GOLPH3: variants seen among roughly 807,000 people sequenced by gnomAD.
GOLPH3 encodes the protein coat protein GPP34.
A neutral mutation model predicts 28.5 loss-of-function variants in GOLPH3; 14 were observed. That is an observed-to-expected ratio of 0.49 (90% CI 0.32 to 0.77). The LOEUF (loss-of-function observed/expected upper bound fraction) is 0.77. Ranked by LOEUF, GOLPH3 falls within the 30% of genes least tolerant of loss-of-function variation. GOLPH3 has a pLI of 0.03. For synonymous variants in GOLPH3, 158 were observed against 159.2 expected (o/e 0.99, Z 0.06); for missense variants, 350 against 393.7 (o/e 0.89, Z 0.94).
chr5:32,170,336 C>A (rs1286406171), intron 1 of GOLPH3, among the ~76,000 whole-genome samples: 1 of 152,176 alleles, frequency 6.6e-6, no homozygotes, highest in African/African-American at 2.4e-5. Context: ...GCTTCTGTTT[C>A]TTGCTCTAGG....
At chr5:32,149,590 A>C (rs553104755) in intron 1 of GOLPH3, among the ~76,000 whole-genome samples, 1 of 143,372 alleles carries the variant, frequency 7.0e-6, no homozygotes, top group East Asian at 2.7e-4. Context: ...AAAAATTAAG[A>C]ATCAAAAAGT....
In GOLPH3 at chr5:32,143,782, A is replaced by G; in HGVS notation, c.324T>C (p.Cys108=). 6.2e-7 allele frequency: 1 copy of G among 1,607,316 alleles called. No homozygotes were observed. Among genetic ancestry groups the G allele is most frequent in the Admixed American group, 1.7e-5 (1 of 58,040 alleles). The change falls in exon 2 of 4, where the codon TGT becomes TGC. Residue 108 remains cysteine (C), a synonymous_variant. Transcript: ENST00000265070. ...TTAATAGACTTTTACGTCTCATTCC[A>G]CAAGCCTCTAGTTGTAACCTTCCTC... The part of the protein sequence containing the change: ...ALRGRLQLEA[C]GMRRKSLLTR...
At chr5:32,152,601 G>A (rs570128658) in intron 1 of GOLPH3, among the ~76,000 whole-genome samples, 1 of 150,888 alleles carries the variant, frequency 6.6e-6, no homozygotes, top group South Asian at 2.1e-4. Context: ...GGCCAACGTG[G>A]CAAAATGCTG....
At chr5:32,144,503 C>T (rs969847293) in intron 1 of GOLPH3, among the ~76,000 whole-genome samples, 3 of 152,138 alleles carry the variant, frequency 2.0e-5, no homozygotes, top group African/African-American at 7.2e-5. Flanking sequence ...GGCAGGAGGA[C>T]CACTGTGTCC....
At chr5:32,141,664 C>T (rs1301261282) in intron 2 of GOLPH3, among the ~76,000 whole-genome samples, 2 of 152,228 alleles carry the variant, frequency 1.3e-5, no homozygotes, top group East Asian at 1.9e-4. Flanking sequence ...CAAAGCTGGA[C>T]GGTACTGCTG....
chr5:32,136,481 TAAAAA>T (rs199826363), intron 2 of GOLPH3, among the ~76,000 whole-genome samples: 1 of 121,322 alleles, frequency 8.2e-6, no homozygotes, highest in Non-Finnish European at 1.8e-5. Flanking sequence ...AACTCCGACT[TAAAAA>T]AAAAAAAAAA....
At chr5:32,166,808 A>G (rs1418172804) in intron 1 of GOLPH3, among the ~76,000 whole-genome samples, 3 of 126,558 alleles carry the variant, frequency 2.4e-5, no homozygotes, top group Non-Finnish European at 4.9e-5. Flanking sequence ...ACTCCATCTT[A>G]AAAAAAAAAA....
intron 1 of GOLPH3, among the ~76,000 whole-genome samples, chr5:32,160,709 T>C (rs536250193): frequency 6.6e-6 from 1 of 152,274 alleles, no homozygotes; most frequent in Admixed American, 6.5e-5. Context: ...AAGAATTGGC[T>C]GCTAGGTAGA....
intron 1 of GOLPH3, among the ~76,000 whole-genome samples, chr5:32,163,373 A>C (rs1746635233): frequency 6.6e-6 from 1 of 152,152 alleles, no homozygotes; most frequent in Non-Finnish European, 1.5e-5. Flanking sequence ...TGCTCCTTAA[A>C]AGCAAAAAAT....
chr5:32,171,959 A>G (rs945140600), intron 1 of GOLPH3, among the ~76,000 whole-genome samples: 2 of 152,114 alleles, frequency 1.3e-5, no homozygotes, highest in African/African-American at 4.8e-5. Flanking sequence ...AAAAAAGAAA[A>G]AAAAAAAGAC....
chr5:32,168,357 C>A (rs1480188538), intron 1 of GOLPH3, among the ~76,000 whole-genome samples: 1 of 152,172 alleles, frequency 6.6e-6, no homozygotes, highest in African/African-American at 2.4e-5. Flanking sequence ...ATCTTTGGAG[C>A]CTGTGTAAAA....
At chr5:32,142,987 G>C (rs538502248) in intron 2 of GOLPH3, among the ~76,000 whole-genome samples, 1 of 152,170 alleles carries the variant, frequency 6.6e-6, no homozygotes, top group African/African-American at 2.4e-5. Context: ...ATGATGACAA[G>C]GGCGGTTTTG....
intron 2 of GOLPH3, among the ~76,000 whole-genome samples, chr5:32,136,481 TAAAA>T (rs199826363): frequency 8.2e-6 from 1 of 121,316 alleles, no homozygotes. Context: ...AACTCCGACT[TAAAA>T]AAAAAAAAAA....
intron 2 of GOLPH3, among the ~76,000 whole-genome samples, chr5:32,136,625 A>G (rs929663134): frequency 2.0e-5 from 3 of 152,236 alleles, no homozygotes; most frequent in Non-Finnish European, 4.4e-5. Flanking sequence ...AAATAAGACT[A>G]AATTATATTT....
intron 1 of GOLPH3, among the ~76,000 whole-genome samples, chr5:32,149,260 A>G (rs1266131473): frequency 6.6e-6 from 1 of 152,264 alleles, no homozygotes; most frequent in African/African-American, 2.4e-5. Context: ...AGAGAGGCAG[A>G]CAGGCACATA....
At chr5:32,148,209 G>A (rs1389825551) in intron 1 of GOLPH3, among the ~76,000 whole-genome samples, 2 of 152,210 alleles carry the variant, frequency 1.3e-5, no homozygotes, top group Non-Finnish European at 2.9e-5. Context: ...TTTTCAAGAG[G>A]GCAGAAACGT....
chr5:32,152,052 A>C (rs1173233715), intron 1 of GOLPH3, among the ~76,000 whole-genome samples: 1 of 152,156 alleles, frequency 6.6e-6, no homozygotes, highest in Non-Finnish European at 1.5e-5. Flanking sequence ...GCACAGTGTG[A>C]ATCTACTTAA....
intron 3 of GOLPH3, among the ~76,000 whole-genome samples, chr5:32,134,525 A>T (rs563882538): frequency 2.2e-4 from 33 of 151,800 alleles, no homozygotes; most frequent in Admixed American, 4.6e-4. Context: ...TAAAATAAAA[A>T]AAAAAAAAAA....
chr5:32,157,289 T>C (rs1561677791), intron 1 of GOLPH3, among the ~76,000 whole-genome samples: 1 of 152,180 alleles, frequency 6.6e-6, no homozygotes, highest in Non-Finnish European at 1.5e-5. Flanking sequence ...TTCCTCCCTT[T>C]TTCCCACCAG....
Sources: gnomAD v4.1 joint callset for allele counts (sites outside exome capture counted in the v4.1 genomes callset) on GRCh38, gnomAD v4.1.1 for gene constraint, MANE v1.5 for transcripts, NCBI Gene and HGNC (gene_info 2026-07-23, HGNC 2026-07-21) for gene names.